The following INPP1 variants were observed in gnomAD, a reference collection of about 807,000 sequenced individuals.
The protein encoded by INPP1 is inositol polyphosphate 1-phosphatase.
INPP1 carries 18 observed loss-of-function variants against 23.0 expected under a neutral mutation model. That is an observed-to-expected ratio of 0.78 (90% confidence interval 0.54 to 1.16). The LOEUF (loss-of-function observed/expected upper bound fraction) is 1.16, where lower values mean the gene tolerates loss of function less well. Ranked by LOEUF, INPP1 falls within the 50% of genes most tolerant of loss-of-function variation. The pLI is 0.00. For synonymous variants in INPP1, 164 were observed against 176.3 expected, an observed-to-expected ratio of 0.93 and a Z score of 0.55; for missense variants, 448 against 482.1, an observed-to-expected ratio of 0.93 and a Z score of 0.66.
chr2:190,361,379 C>T (rs867561338), intron 3 of INPP1, among the ~76,000 whole-genome samples: 4 of 151,896 alleles, frequency 2.6e-5, no homozygotes, highest in Admixed American at 6.5e-5. Context: ...CATTTAGAAT[C>T]GTTTCAGTGA....
rs901617036 is a variant in INPP1, at chr2:190,354,443, A to T, written c.-65+5412A>T. Among the ~76,000 whole-genome samples the T allele has an allele frequency of 5.9e-5, 9 of 152,214 alleles. No individual in the cohort carries two copies. The highest frequency in any genetic ancestry group is 1.2e-4 in the Non-Finnish European group (8 of 68,038). ...CCTCAGAATGGGACTGTACTTGCAGATAGGACCTTTAAAGTTTATGTGAGG... is the reference window on the plus strand; with the variant it reads ...CCTCAGAATGGGACTGTACTTGCAGTTAGGACCTTTAAAGTTTATGTGAGG... On this transcript the variant is annotated intron_variant, in intron 2 of 6. Coordinates refer to ENST00000392329, the MANE Select transcript of INPP1 (RefSeq NM_001128928.2). This position sits in a 1 kb window ranked among gnomAD's most constrained non-coding sequence, Gnocchi z 4.8.
At chr2:190,370,221 T>C (rs575002936) in intron 6 of INPP1, among the ~76,000 whole-genome samples, 1 of 151,924 alleles carries the variant, frequency 6.6e-6, no homozygotes, top group East Asian at 1.9e-4. Context: ...TACCACTTTC[T>C]AGCTGAGTGG....
At chr2:190,364,677 G>A (rs1295422845) in intron 4 of INPP1, among the ~76,000 whole-genome samples, 2 of 132,426 alleles carry the variant, frequency 1.5e-5, no homozygotes, top group Non-Finnish European at 3.1e-5. Flanking sequence ...TGCAGCCTCC[G>A]CCTCCCAAAT....
At chr2:190,351,568 A>G (rs1021064229) in intron 2 of INPP1, among the ~76,000 whole-genome samples, 6 of 152,180 alleles carry the variant, frequency 3.9e-5, no homozygotes, top group Non-Finnish European at 7.3e-5. Flanking sequence ...GGCACAGCAT[A>G]TATCTTTTGT....
intron 3 of INPP1, among the ~76,000 whole-genome samples, chr2:190,361,406 G>C (rs1559083248): frequency 6.6e-6 from 1 of 152,194 alleles, no homozygotes. Context: ...GACCACAGGC[G>C]AAGAGATGAA....
At chr2:190,357,253 T>C (rs1689436871) in intron 2 of INPP1, among the ~76,000 whole-genome samples, 1 of 152,236 alleles carries the variant, frequency 6.6e-6, no homozygotes, top group African/African-American at 2.4e-5. Context: ...GACATTCTTA[T>C]ACCTTCATAC....
chr2:190,360,329 TAAC>T (rs1272283924), intron 3 of INPP1, 23 bp downstream of exon 3: 1 of 1,606,592 alleles, frequency 6.2e-7, no homozygotes, highest in African/African-American at 1.3e-5. Context: ...ATAGCCAAGG[TAAC>T]TGCAAAATAG....
At position 190,352,585 on chromosome 2, in the gene INPP1, A is replaced by G. The variant is rs1403523725; in HGVS notation, c.-65+3554A>G. ...ACACAACACAGCGAGCCCCCCCTCC[A>G]TATTTAGTGTGGGCCCACTTCCATT... On this transcript the variant is annotated intron_variant, in intron 2 of 6. Coordinates refer to ENST00000392329, the MANE Select transcript of INPP1 (RefSeq NM_001128928.2). The surrounding 1 kb of genome is among the most constrained non-coding windows in gnomAD (Gnocchi z 4.7). 6.6e-6 allele frequency among the ~76,000 whole-genome samples: 1 copy of G among 152,138 alleles called. No individual in the cohort carries two copies. The highest frequency in any genetic ancestry group is 2.4e-5 in the African/African-American group (1 of 41,440).
At chr2:190,351,506 A>AT (rs1559080137) in intron 2 of INPP1, among the ~76,000 whole-genome samples, 1 of 152,222 alleles carries the variant, frequency 6.6e-6, no homozygotes, top group East Asian at 1.9e-4. Context: ...TGTGACTTCC[A>AT]ACGTTGCTAT....
At chr2:190,347,059 T>C (rs912313496) in intron 1 of INPP1, among the ~76,000 whole-genome samples, 1 of 144,778 alleles carries the variant, frequency 6.9e-6, no homozygotes, top group African/African-American at 2.6e-5. Context: ...TTGCCCAGGC[T>C]AGAGTGCAGT....
rs1689803988 is a variant in INPP1 at position 190,371,400 on chromosome 2, T to C, written c.1198T>C (p.Ter400GlnextTer10). Reference protein sequence around the residue: ...QNLAPAETHT* With the variant: ...QNLAPAETHTQ The stretch of plus-strand genomic sequence containing the variant: ...CCTGGCACCTGCAGAGACGCATACC[T>C]AGAGGAACTCTAACCCCGGTGTACC... The change falls in exon 7 of 7, where the codon TAG becomes CAG. Residue 400 changes from the stop codon to glutamine, a stop_lost. Transcript: ENST00000392329. The surrounding 1 kb of genome is among the most constrained non-coding windows in gnomAD (Gnocchi z 5.3). 1 of 1,516,292 alleles carries C rather than the reference T, an allele frequency of 6.6e-7. No homozygotes were observed. The highest frequency in any genetic ancestry group is 1.3e-5 in the South Asian group (1 of 74,630). The allele number at this position is 1,516,292 out of a possible 1,614,324, so 93.9% of individuals were successfully genotyped here. A position where few individuals can be genotyped will look rare whatever the true frequency, so the allele number is the denominator to read the frequency against.
Position 190,363,152 on chromosome 2 carries a change from T to C in INPP1, c.265+465T>C, listed in dbSNP as rs972692. 0.41 allele frequency: 62,330 copies of C among 152,152 alleles called. 14,728 individuals carry two copies. The highest frequency in any genetic ancestry group is 0.66 in the African/African-American group (27,054 of 41,268). The allele number at this position is 152,152 out of a possible 1,614,324, so 9.4% of individuals were successfully genotyped here. A position where few individuals can be genotyped will look rare whatever the true frequency, so the allele number is the denominator to read the frequency against. Reference sequence around the variant, plus strand: ...AAATACTGTGTGATCTTGAGCAAATTAACTCATCATTTCTCTAAGTCTCAG... The same window carrying C: ...AAATACTGTGTGATCTTGAGCAAATCAACTCATCATTTCTCTAAGTCTCAG... On this transcript the variant is annotated intron_variant, in intron 4 of 6. Transcript: ENST00000392329. The surrounding 1 kb of genome is among the most constrained non-coding windows in gnomAD (Gnocchi z 4.4).
At position 190,354,032 on chromosome 2, in the gene INPP1, CAT is replaced by C. The variant is rs1689371753; in HGVS notation, c.-65+5005_-65+5006del. Among the ~76,000 whole-genome samples, 1 of 152,296 alleles carries C rather than the reference CAT, an allele frequency of 6.6e-6. No homozygotes were observed. The highest frequency in any genetic ancestry group is 1.9e-4 in the East Asian group (1 of 5,184). On this transcript the variant is annotated intron_variant, in intron 2 of 6. Coordinates refer to ENST00000392329, the MANE Select transcript of INPP1 (RefSeq NM_001128928.2). The surrounding 1 kb of genome is among the most constrained non-coding windows in gnomAD (Gnocchi z 4.8). ...CATTGTGACACAATTTTATGTTAAA[CAT>C]ATAGATACGTACATTTGGTTTGAGA...
intron 2 of INPP1, among the ~76,000 whole-genome samples, chr2:190,359,369 A>G (rs180900584): frequency 6.6e-6 from 1 of 151,932 alleles, no homozygotes; most frequent in Non-Finnish European, 1.5e-5. Flanking sequence ...TGCCCTGGAT[A>G]ACACGGTGAA....
Position 190,368,853 on chromosome 2 carries a change from G to A in INPP1, c.467-250G>A, listed in dbSNP as rs1057449825. The A allele has an allele frequency of 7.0e-6, 2 of 285,694 alleles. No homozygotes were observed. Among genetic ancestry groups the A allele is most frequent in the Non-Finnish European group, 1.3e-5 (2 of 154,142 alleles). 17.7% of individuals were successfully genotyped at this position (285,694 alleles called of 1,614,324 possible). ...ATAAGTAACAAATATTTGAATGCCTGTTATATACAAATTGCTATGCCACAG... is the reference window on the plus strand; with the variant it reads ...ATAAGTAACAAATATTTGAATGCCTATTATATACAAATTGCTATGCCACAG... On this transcript the variant is annotated intron_variant, in intron 5 of 6. Coordinates refer to ENST00000392329, the MANE Select transcript of INPP1 (RefSeq NM_001128928.2). The surrounding 1 kb of genome is among the most constrained non-coding windows in gnomAD (Gnocchi z 4.3).
intron 4 of INPP1, among the ~76,000 whole-genome samples, chr2:190,366,465 CTG>C (rs1255374625): frequency 2.6e-5 from 4 of 151,682 alleles, no homozygotes; most frequent in Non-Finnish European, 5.9e-5. Flanking sequence ...CTTGCTCTCT[CTG>C]TCTCTCGCTC....
chr2:190,365,964 TCTCTCG>T (rs201768192), intron 4 of INPP1, among the ~76,000 whole-genome samples: 18 of 71,644 alleles, frequency 2.5e-4, no homozygotes, highest in South Asian at 1.5e-3. Flanking sequence ...TCTTTTGCTC[TCTCTCG>T]CTCTCTCGCT....
chr2:190,371,494 G>A lies in INPP1; in HGVS notation c.*92G>A. ...TTGAGGATGGCTTTGTCCTGTTGCTGGTTAACATTCACCTTCCTCTTTTGA... is the reference window on the plus strand; with the variant it reads ...TTGAGGATGGCTTTGTCCTGTTGCTAGTTAACATTCACCTTCCTCTTTTGA... On this transcript the variant is annotated 3_prime_UTR_variant, in exon 7 of 7. Transcript: ENST00000392329. The surrounding 1 kb of genome is among the most constrained non-coding windows in gnomAD (Gnocchi z 5.3). The A allele has an allele frequency of 2.2e-6, 2 of 921,216 alleles. No homozygotes were observed. The allele number at this position is 921,216 out of a possible 1,614,324, so 57.1% of individuals were successfully genotyped here. A position where few individuals can be genotyped will look rare whatever the true frequency, so the allele number is the denominator to read the frequency against.
In INPP1 at chr2:190,348,947, A is replaced by G. The variant is rs1044868967; in HGVS notation, c.-149A>G. 8.5e-5 allele frequency: 13 copies of G among 152,214 alleles called. No homozygotes were observed. The highest frequency in any genetic ancestry group is 1.6e-4 in the Non-Finnish European group (11 of 68,060). 9.4% of individuals were successfully genotyped at this position (152,214 alleles called of 1,614,324 possible). On this transcript the variant is annotated 5_prime_UTR_variant, in exon 2 of 7. Coordinates refer to ENST00000392329, the MANE Select transcript of INPP1 (RefSeq NM_001128928.2). ...ATACCTGATTGGCAAAACAGAGCCTAAGAACCAGCTCTCCTGTATCCCAAG... is the reference window on the plus strand; with the variant it reads ...ATACCTGATTGGCAAAACAGAGCCTGAGAACCAGCTCTCCTGTATCCCAAG...
Sources: gnomAD v4.1 joint callset for allele counts (sites outside exome capture counted in the v4.1 genomes callset) on GRCh38, gnomAD v4.1.1 for gene constraint, Gnocchi (gnomAD v3.1) non-coding constraint, MANE v1.5 for transcripts, NCBI Gene and HGNC (gene_info 2026-07-23, HGNC 2026-07-21) for gene names.